The following CEP295 variants were observed in gnomAD, a reference collection of about 807,000 sequenced individuals.
The protein encoded by CEP295 is centrosomal protein 295.
A neutral mutation model predicts 291.6 loss-of-function variants in CEP295; 190 were observed. The ratio of observed to expected loss-of-function variants is 0.65; its 90% CI spans 0.58 to 0.73. The LOEUF is 0.73. Ranked by LOEUF, CEP295 falls within the 30% of genes least tolerant of loss-of-function variation. The pLI is 0.00. For missense variants in CEP295, 2,863 were observed against 2,949.4 expected (o/e 0.97, Z 0.68); for synonymous variants, 993 against 1,038.8 (o/e 0.96, Z 0.85).
rs1242147879 is a variant in CEP295, at chr11:93,724,393, T to C, written c.6318+18T>C. 2 of 1,543,770 alleles carry C rather than the reference T, an allele frequency of 1.3e-6. No homozygotes were observed. The highest frequency in any genetic ancestry group is 2.7e-5 in the African/African-American group (2 of 72,814). On this transcript the variant is annotated intron_variant, in intron 22 of 29. Transcript: ENST00000325212. Reference sequence around the variant, plus strand: ...TTTACCAGGTATATTAAAGTAGATGTCCCATTGCAGTGAATATCTAAAAAT... The same window carrying C: ...TTTACCAGGTATATTAAAGTAGATGCCCCATTGCAGTGAATATCTAAAAAT...
Position 93,679,614 on chromosome 11 carries a change from G to C in CEP295, c.765+62G>C, listed in dbSNP as rs1473723905. ...GACTTACTAATAGCATTGCAGGACT[G>C]ATTAGTGAATGAGCTCAAAGAAAGG... On this transcript the variant is annotated intron_variant, in intron 7 of 29. Transcript: ENST00000325212. 1.9e-5 allele frequency: 26 copies of C among 1,352,264 alleles called. No homozygotes were observed. In the Admixed American group the frequency reaches 4.7e-4, roughly 24 times the overall value. 83.8% of individuals were successfully genotyped at this position (1,352,264 alleles called of 1,614,324 possible). A position where few individuals can be genotyped will look rare whatever the true frequency, so the allele number is the denominator to read the frequency against.
chr11:93,695,457 G>C (rs545696957), intron 12 of CEP295, 40 bp from the exon 13 acceptor site: 12 of 1,295,668 alleles, frequency 9.3e-6, no homozygotes, highest in African/African-American at 1.6e-5. Context: ...GCCTTTGTAT[G>C]AGTTTGTTGT....
In CEP295 at chr11:93,706,789, A is replaced by G; in HGVS notation, c.5641A>G (p.Ile1881Val). ...YEDRDPLRVS[I>V]SREQSFFGSP... ...AGACAGAGACCCCCTGCGAGTCTCA[A>G]TAAGCCGAGAACAAAGTTTCTTTGG... The change falls in exon 18 of 30, where the codon ATA becomes GTA. Residue 1881 changes from isoleucine to valine, a missense_variant. By Grantham distance (29) the Ile-to-Val change is conservative. Around this residue, in one of 3 missense-constraint regions of CEP295, gnomAD observed 2,295 missense variants for 2,335.7 expected, o/e 0.98. Coordinates refer to ENST00000325212, the MANE Select transcript of CEP295 (RefSeq NM_033395.2). The G allele has an allele frequency of 3.9e-6, 6 of 1,550,220 alleles. No individual in the cohort carries two copies. Among genetic ancestry groups the G allele is most frequent in the South Asian group, 1.2e-5 (1 of 83,910 alleles).
chr11:93,698,664 T>TC lies in CEP295; in HGVS notation c.3752_3753insC (p.Pro1252ThrfsTer5). On this transcript the variant is annotated frameshift_variant, in exon 15 of 30. Coordinates refer to ENST00000325212, the MANE Select transcript of CEP295 (RefSeq NM_033395.2). LOFTEE classifies it high-confidence loss of function. ...CTTTTGAGAGTTTCACAACATATGCTACCTCTACAAGATAATTTGGAGGAA... is the reference window on the plus strand; with the variant it reads ...CTTTTGAGAGTTTCACAACATATGCTCACCTCTACAAGATAATTTGGAGGAA... 6.4e-7 allele frequency: 1 copy of TC among 1,550,822 alleles called. No individual in the cohort carries two copies.
intron 1 of CEP295, among the ~76,000 whole-genome samples, chr11:93,665,701 C>G (rs1350282204): frequency 6.6e-6 from 1 of 151,992 alleles, no homozygotes; most frequent in East Asian, 1.9e-4. Context: ...GAACGAGACT[C>G]CATCTCAAAA....
At chr11:93,686,776 A>G (rs759824285) in intron 9 of CEP295, among the ~76,000 whole-genome samples, 8 of 152,214 alleles carry the variant, frequency 5.3e-5, no homozygotes, top group Non-Finnish European at 1.2e-4. Context: ...AATGTTCCAC[A>G]TGATCTGAAA....
At chr11:93,728,967 TAAACCTTC>T in intron 25 of CEP295, 146 bp downstream of exon 25, 1 of 662,550 alleles carries the variant, frequency 1.5e-6, no homozygotes, top group Non-Finnish European at 2.5e-6. Flanking sequence ...CAATTTGTCT[TAAACCTTC>T]ACTATTCTGT....
At chr11:93,721,633 A>G in intron 19 of CEP295, 1 of 751,448 alleles carries the variant, frequency 1.3e-6, no homozygotes. Context: ...GCAAAACTAT[A>G]AAACAATGTA....
chr11:93,675,477 C>G, intron 5 of CEP295, 94 bp from the exon 6 acceptor site: 1 of 591,844 alleles, frequency 1.7e-6, no homozygotes, highest in Non-Finnish European at 2.8e-6. Flanking sequence ...ATGCGGAGAA[C>G]TCATTAAAAT....
intron 7 of CEP295, 23 bp from the exon 8 acceptor site, chr11:93,683,536 G>C (rs1171329717): frequency 1.7e-5 from 25 of 1,478,080 alleles, no homozygotes; most frequent in Non-Finnish European, 2.0e-5. Flanking sequence ...CTCAGTTTTT[G>C]TTAATTCTCT....
chr11:93,722,301 A>G (rs977304211), intron 20 of CEP295, among the ~76,000 whole-genome samples: 3 of 152,042 alleles, frequency 2.0e-5, no homozygotes, highest in Admixed American at 6.5e-5. Context: ...TCTCTACAAA[A>G]AAATACAAAA....
chr11:93,689,178 A>T (rs921211913), intron 10 of CEP295, among the ~76,000 whole-genome samples: 1 of 152,170 alleles, frequency 6.6e-6, no homozygotes, highest in African/African-American at 2.4e-5. Flanking sequence ...GTTATTGTCT[A>T]TTAACATAGT....
At chr11:93,669,869 GTTTTCTTGTACAATTA>G in intron 5 of CEP295, 99 bp downstream of exon 5, 2 of 725,248 alleles carry the variant, frequency 2.8e-6, no homozygotes, top group Non-Finnish European at 4.6e-6. Flanking sequence ...AATTGTACAA[GTTTTCTTGTACAATTA>G]AAAACTTGTA....
chr11:93,703,488 T>A (rs1952305988), intron 17 of CEP295, among the ~76,000 whole-genome samples: 1 of 151,990 alleles, frequency 6.6e-6, no homozygotes, highest in Non-Finnish European at 1.5e-5. Context: ...AGGCAAAAAT[T>A]TTTTGGTTTT....
intron 24 of CEP295, 55 bp from the exon 25 acceptor site, chr11:93,728,626 T>G: frequency 2.1e-6 from 3 of 1,459,710 alleles, no homozygotes; most frequent in Non-Finnish European, 2.7e-6. Context: ...AAACGATTAG[T>G]TTAAGTCTTT....
intron 3 of CEP295, among the ~76,000 whole-genome samples, chr11:93,668,343 C>T (rs1358072486): frequency 6.6e-6 from 1 of 152,102 alleles, no homozygotes; most frequent in Non-Finnish European, 1.5e-5. Flanking sequence ...AAGACTGTGG[C>T]AATCTGTTTC....
intron 9 of CEP295, 130 bp downstream of exon 9, chr11:93,684,258 C>G: frequency 1.5e-6 from 1 of 649,876 alleles, no homozygotes; most frequent in Non-Finnish European, 2.6e-6. Context: ...GGAGCAGTAG[C>G]TAAAGGATAC....
At chr11:93,691,641 A>G (rs1301593268) in intron 10 of CEP295, 42 bp from the exon 11 acceptor site, 2 of 1,282,244 alleles carry the variant, frequency 1.6e-6, no homozygotes, top group Non-Finnish European at 2.2e-6. Flanking sequence ...AAGTTTGACA[A>G]TGATTATATA....
chr11:93,664,803 C>T (rs1950134936), intron 1 of CEP295, among the ~76,000 whole-genome samples: 1 of 152,184 alleles, frequency 6.6e-6, no homozygotes, highest in Non-Finnish European at 1.5e-5. Flanking sequence ...ATTCTGTTTA[C>T]ACCTGGTTGA....
Sources: gnomAD v4.1 joint callset for allele counts (sites outside exome capture counted in the v4.1 genomes callset) on GRCh38, gnomAD v4.1.1 for gene constraint, gnomAD v4.1.1 regional missense constraint, MANE v1.5 for transcripts, NCBI Gene and HGNC (gene_info 2026-07-23, HGNC 2026-07-21) for gene names.